HIVEP2: variants seen among roughly 807,000 people sequenced by gnomAD.
HIVEP2 encodes transcription factor HIVEP2.
A neutral mutation model predicts 180.7 loss-of-function variants in HIVEP2; 14 were observed. The observed-to-expected ratio is 0.08, with a 90% CI of 0.05 to 0.12. The LOEUF (loss-of-function observed/expected upper bound fraction) is 0.12, where lower values mean the gene tolerates loss of function less well. HIVEP2 is among the 10% of genes least tolerant of loss of function. The probability of loss-of-function intolerance (pLI) is 1.00; values close to 1 mark genes in which losing one functional copy is unlikely to be tolerated. For missense variants in HIVEP2, 2,579 were observed against 3,008.5 expected, an observed-to-expected ratio of 0.86 and a Z score of 3.34; for synonymous variants, 1,184 against 1,136.4, an observed-to-expected ratio of 1.04 and a Z score of -0.84.
At chr6:142,874,774 G>A (rs1776385340) in intron 1 of HIVEP2, among the ~76,000 whole-genome samples, 1 of 152,114 alleles carries the variant, frequency 6.6e-6, no homozygotes, top group Non-Finnish European at 1.5e-5. Flanking sequence ...GGACCTTAAG[G>A]AGGTCAACTG....
chr6:142,753,885 C>G lies in HIVEP2; in HGVS notation c.6563G>C (p.Gly2188Ala). The change falls in exon 10 of 10, where the codon GGA (glycine) becomes GCA (alanine). Residue 2188 changes from glycine to alanine, a missense_variant. By Grantham distance (60) the Gly-to-Ala change is moderately conservative (BLOSUM62 0). Transcript: ENST00000367603. ...ATGTTCATAAGCACCTTCTTGGTCT[C>G]CATAGAGACTGAAGTAAGGAACCTG... ...LPQVPYFSLY[G>A]DQEGAYEHPG... 1 of 1,612,374 alleles carries G rather than the reference C, an allele frequency of 6.2e-7. No individual in the cohort carries two copies. The highest frequency in any genetic ancestry group is 8.5e-7 in the Non-Finnish European group (1 of 1,178,816).
chr6:142,832,232 A>G (rs747856522), intron 2 of HIVEP2, among the ~76,000 whole-genome samples: 1 of 148,064 alleles, frequency 6.8e-6, no homozygotes. Flanking sequence ...AAAAACAAAC[A>G]AAAAAAACCT....
At chr6:142,850,770 C>A (rs1775649279) in intron 1 of HIVEP2, among the ~76,000 whole-genome samples, 1 of 152,198 alleles carries the variant, frequency 6.6e-6, no homozygotes, top group Non-Finnish European at 1.5e-5. Flanking sequence ...TGAAGAAGCA[C>A]CCTGAAAGAA....
chr6:142,894,127 T>C (rs781265818), intron 1 of HIVEP2, among the ~76,000 whole-genome samples: 6 of 152,184 alleles, frequency 3.9e-5, no homozygotes, highest in Non-Finnish European at 7.3e-5. Context: ...AATAGTAGAG[T>C]TGCCATTTTA....
At position 142,769,862 on chromosome 6, in the gene HIVEP2, A is replaced by G. The variant is rs762491787; in HGVS notation, c.4877T>C (p.Leu1626Pro). The stretch of plus-strand genomic sequence containing the variant: ...CTGCTGGAAATCTGCCATGTCCGTG[A>G]GAAGAAGAGTTGAGTCTGCCACGTT... ...SGNVADSTLL[L>P]TDMADFQQIL... Residue 1626 changes from leucine (L) to proline (P), a missense_variant, in exon 5 of 10, where the codon CTC (leucine) becomes CCC (proline). Physicochemically the swap from Leu to Pro is moderately conservative, Grantham distance 98 (BLOSUM62 -3). Transcript: ENST00000367603. The G allele has an allele frequency of 6.2e-7, 1 of 1,614,142 alleles. No homozygotes were observed. The highest frequency in any genetic ancestry group is 8.5e-7 in the Non-Finnish European group (1 of 1,180,030).
intron 9 of HIVEP2, among the ~76,000 whole-genome samples, chr6:142,755,848 C>T (rs972749973): frequency 2.6e-5 from 4 of 152,282 alleles, no homozygotes; most frequent in African/African-American, 9.6e-5. Flanking sequence ...ACTTCCACTG[C>T]TCCAAGCCCC....
chr6:142,791,951 T>C (rs1271609275), intron 2 of HIVEP2, among the ~76,000 whole-genome samples: 1 of 152,204 alleles, frequency 6.6e-6, no homozygotes, highest in Admixed American at 6.5e-5. Flanking sequence ...TTAGAAATGC[T>C]GCATTTAAGG....
rs75708774 is a variant in HIVEP2, at chr6:142,767,888, G to A, written c.5342+494C>T. On this transcript the variant is annotated intron_variant, in intron 6 of 9. Coordinates refer to ENST00000367603, the MANE Select transcript of HIVEP2 (RefSeq NM_006734.4). ...ATGTGGTACCCTGACTTGGATCCTGGGACAGAAAAGGATATTGATGGAACT... is the reference window on the plus strand; with the variant it reads ...ATGTGGTACCCTGACTTGGATCCTGAGACAGAAAAGGATATTGATGGAACT... Among the ~76,000 whole-genome samples the A allele has an allele frequency of 3.8e-3, 577 of 152,178 alleles. 6 individuals carry two copies. Among genetic ancestry groups the A allele is most frequent in the African/African-American group, 0.013 (554 of 41,516 alleles).
intron 1 of HIVEP2, among the ~76,000 whole-genome samples, chr6:142,861,335 G>A (rs1441819242): frequency 2.0e-5 from 3 of 152,118 alleles, no homozygotes; most frequent in Non-Finnish European, 4.4e-5. Context: ...CTAATAATGA[G>A]AAGTTTTGAC....
intron 1 of HIVEP2, among the ~76,000 whole-genome samples, chr6:142,896,088 T>C (rs1469874074): frequency 1.3e-5 from 2 of 152,312 alleles, no homozygotes; most frequent in Non-Finnish European, 1.5e-5. Context: ...TTTTTTGAGA[T>C]GTCACTTGCT....
chr6:142,793,632 C>CCT (rs1554279256), intron 2 of HIVEP2, among the ~76,000 whole-genome samples: 1 of 32,972 alleles, frequency 3.0e-5, no homozygotes, highest in South Asian at 1.2e-3. Context: ...CTCTTTCTTT[C>CCT]TTTCTTTCTT....
chr6:142,836,660 A>G (rs984857521), intron 2 of HIVEP2, among the ~76,000 whole-genome samples: 1 of 152,198 alleles, frequency 6.6e-6, no homozygotes, highest in Non-Finnish European at 1.5e-5. Flanking sequence ...GATTATAATA[A>G]GCAAATCATC....
intron 1 of HIVEP2, among the ~76,000 whole-genome samples, chr6:142,936,357 T>A (rs1432137793): frequency 6.6e-6 from 1 of 151,838 alleles, no homozygotes; most frequent in Non-Finnish European, 1.5e-5. Flanking sequence ...CACACCAGGC[T>A]AATTTTTGAA....
At chr6:142,894,855 T>C (rs1046080461) in intron 1 of HIVEP2, among the ~76,000 whole-genome samples, 5 of 152,216 alleles carry the variant, frequency 3.3e-5, no homozygotes, top group African/African-American at 1.2e-4. Context: ...TCCACTACAC[T>C]GTCCCCACTG....
At chr6:142,919,942 C>A (rs1777646593) in intron 1 of HIVEP2, among the ~76,000 whole-genome samples, 1 of 152,204 alleles carries the variant, frequency 6.6e-6, no homozygotes, top group Non-Finnish European at 1.5e-5. Context: ...AAGGATGTAA[C>A]AACAGAAGTT....
At chr6:142,812,037 G>A (rs369319933) in intron 2 of HIVEP2, among the ~76,000 whole-genome samples, 22 of 152,336 alleles carry the variant, frequency 1.4e-4, no homozygotes, top group African/African-American at 5.3e-4. Flanking sequence ...CTGGCCTGGA[G>A]AGAGTGTTCA....
intron 2 of HIVEP2, among the ~76,000 whole-genome samples, chr6:142,836,413 C>T (rs1775224560): frequency 6.6e-6 from 1 of 152,164 alleles, no homozygotes; most frequent in African/African-American, 2.4e-5. Flanking sequence ...ACCTCAGGAG[C>T]TTTCCACAGC....
At chr6:142,819,029 G>A (rs1400965246) in intron 2 of HIVEP2, among the ~76,000 whole-genome samples, 1 of 126,618 alleles carries the variant, frequency 7.9e-6, no homozygotes, top group African/African-American at 2.9e-5. Context: ...AGGGAGGCAG[G>A]GAAGAAGGGA....
chr6:142,886,358 T>C (rs73586596), intron 1 of HIVEP2, among the ~76,000 whole-genome samples: 3,732 of 152,304 alleles, frequency 0.025, 147 homozygotes, highest in African/African-American at 0.085. Context: ...ACCATTTTAA[T>C]AGTTTTCAAA....
Sources: gnomAD v4.1 joint callset for allele counts (sites outside exome capture counted in the v4.1 genomes callset) on GRCh38, gnomAD v4.1.1 for gene constraint, MANE v1.5 for transcripts, NCBI Gene and HGNC (gene_info 2026-07-23, HGNC 2026-07-21) for gene names.